Variants in PPM1L observed in about 807,000 individuals in gnomAD.
PPM1L encodes the protein protein phosphatase, Mg2+/Mn2+ dependent 1L.
A neutral mutation model predicts 31.4 loss-of-function variants in PPM1L; 13 were observed. That is an observed-to-expected ratio of 0.41 (90% CI 0.27 to 0.66). The LOEUF (loss-of-function observed/expected upper bound fraction) is 0.66. Ranked by LOEUF, PPM1L falls within the 30% of genes least tolerant of loss-of-function variation. The pLI is 0.29. For missense variants in PPM1L, 326 were observed against 453.7 expected, an observed-to-expected ratio of 0.72 and a Z score of 2.56; for synonymous variants, 184 against 175.4, an observed-to-expected ratio of 1.05 and a Z score of -0.39.
At chr3:160,880,988 C>T (rs1404958835) in intron 1 of PPM1L, among the ~76,000 whole-genome samples, 12 of 152,132 alleles carry the variant, frequency 7.9e-5, no homozygotes, top group Admixed American at 7.2e-4. Flanking sequence ...TTTCATAGGA[C>T]AGTAGATCTT....
intron 1 of PPM1L, among the ~76,000 whole-genome samples, chr3:160,923,569 C>T (rs886424237): frequency 6.6e-6 from 1 of 152,184 alleles, no homozygotes; most frequent in Non-Finnish European, 1.5e-5. Context: ...CTTTATTCTT[C>T]TCTCACTATT....
intron 2 of PPM1L, among the ~76,000 whole-genome samples, chr3:160,968,107 A>T (rs917065588): frequency 2.0e-5 from 3 of 151,520 alleles, no homozygotes; most frequent in Non-Finnish European, 3.0e-5. Context: ...ATTCCCAGGC[A>T]TATTTTTATT....
chr3:161,009,689 A>C (rs1371028091), intron 2 of PPM1L, among the ~76,000 whole-genome samples: 1 of 152,196 alleles, frequency 6.6e-6, no homozygotes, highest in Non-Finnish European at 1.5e-5. Context: ...TAAGATAGTA[A>C]GACTATATAT....
chr3:160,779,926 T>C (rs78126845), intron 1 of PPM1L, among the ~76,000 whole-genome samples: 2 of 152,300 alleles, frequency 1.3e-5, no homozygotes, highest in East Asian at 3.9e-4. Context: ...ATTTTTTTTT[T>C]AGTATGTACC....
intron 2 of PPM1L, among the ~76,000 whole-genome samples, chr3:161,037,253 G>A (rs1264548910): frequency 6.6e-6 from 1 of 152,082 alleles, no homozygotes; most frequent in Non-Finnish European, 1.5e-5. Flanking sequence ...TTGCTCCTTT[G>A]CTCTTTGTCT....
At position 161,076,052 on chromosome 3, in the gene PPM1L, G is replaced by A. The variant is rs1380332111; in HGVS notation, c.*6895G>A. The A allele has an allele frequency of 6.6e-6, 1 of 152,136 alleles. No homozygotes were observed. Among genetic ancestry groups the A allele is most frequent in the East Asian group, 1.9e-4 (1 of 5,198 alleles). 9.4% of individuals were successfully genotyped at this position (152,136 alleles called of 1,614,324 possible). A position where few individuals can be genotyped will look rare whatever the true frequency, so the allele number is the denominator to read the frequency against. On this transcript the variant is annotated 3_prime_UTR_variant, in exon 4 of 4. Transcript: ENST00000498165. ...GAATACTAGTGAGTACTCAATTTAC[G>A]ACAGACAATTTCACAAAAACCAACC...
chr3:160,779,365 T>C (rs1349405276), intron 1 of PPM1L, among the ~76,000 whole-genome samples: 1 of 152,178 alleles, frequency 6.6e-6, no homozygotes, highest in East Asian at 1.9e-4. Context: ...ACTAGCTGTC[T>C]GAATTTGAGC....
intron 2 of PPM1L, among the ~76,000 whole-genome samples, chr3:161,044,876 C>A (rs1005138552): frequency 2.0e-5 from 3 of 152,120 alleles, no homozygotes; most frequent in Non-Finnish European, 2.9e-5. Context: ...TCAGCAGACC[C>A]ATCTCACGTG....
intron 1 of PPM1L, among the ~76,000 whole-genome samples, chr3:160,767,467 T>C (rs1413238790): frequency 6.6e-6 from 1 of 152,076 alleles, no homozygotes; most frequent in Non-Finnish European, 1.5e-5. Flanking sequence ...ACTCCTGAGC[T>C]CAGATGATCC....
At chr3:161,068,631 T>A (rs1719814615) in intron 3 of PPM1L, among the ~76,000 whole-genome samples, 180 bp from the exon 4 acceptor site, 1 of 152,134 alleles carries the variant, frequency 6.6e-6, no homozygotes, top group Non-Finnish European at 1.5e-5. Flanking sequence ...GGTATGAGGA[T>A]CAACTGGTAG....
At chr3:160,997,039 C>G (rs766867192) in intron 2 of PPM1L, among the ~76,000 whole-genome samples, 27 of 152,108 alleles carry the variant, frequency 1.8e-4, no homozygotes, top group Non-Finnish European at 4.0e-4. Context: ...GCTAATGGAT[C>G]AGATATCCTG....
intron 2 of PPM1L, among the ~76,000 whole-genome samples, chr3:160,962,653 T>G (rs1264710062): frequency 6.6e-6 from 1 of 152,098 alleles, no homozygotes; most frequent in Non-Finnish European, 1.5e-5. Flanking sequence ...ATGTTAATGG[T>G]ATTAATTCTT....
At chr3:160,943,032 T>C (rs990641401) in intron 1 of PPM1L, among the ~76,000 whole-genome samples, 8 of 151,768 alleles carry the variant, frequency 5.3e-5, no homozygotes, top group Non-Finnish European at 8.8e-5. Flanking sequence ...TAAAAAACAA[T>C]CACAAAACTC....
chr3:160,841,143 G>A (rs1010582938), intron 1 of PPM1L, among the ~76,000 whole-genome samples: 1 of 151,820 alleles, frequency 6.6e-6, no homozygotes, highest in African/African-American at 2.4e-5. Flanking sequence ...CATATTGTGA[G>A]TCATCTTGGA....
intron 1 of PPM1L, among the ~76,000 whole-genome samples, chr3:160,830,433 A>G (rs1713491609): frequency 6.6e-6 from 1 of 152,176 alleles, no homozygotes. Context: ...TGTTTGAGGT[A>G]GGTTAAAGCC....
chr3:160,830,397 C>G (rs1713489246), intron 1 of PPM1L, among the ~76,000 whole-genome samples: 1 of 152,144 alleles, frequency 6.6e-6, no homozygotes, highest in South Asian at 2.1e-4. Context: ...GCAGTGACAA[C>G]TAGCATGCAT....
At chr3:160,968,128 G>A (rs140277460) in intron 2 of PPM1L, among the ~76,000 whole-genome samples, 43 of 150,684 alleles carry the variant, frequency 2.9e-4, no homozygotes, top group African/African-American at 1.0e-3. Flanking sequence ...GGTGGGATGG[G>A]GAGTGAGACT....
At chr3:160,975,497 A>C (rs1268023268) in intron 2 of PPM1L, among the ~76,000 whole-genome samples, 1 of 152,120 alleles carries the variant, frequency 6.6e-6, no homozygotes, top group East Asian at 1.9e-4. Context: ...GAGTCTTCTG[A>C]CCCATGAGCA....
At chr3:160,820,192 G>A (rs1270645478) in intron 1 of PPM1L, among the ~76,000 whole-genome samples, 2 of 152,018 alleles carry the variant, frequency 1.3e-5, no homozygotes, top group Non-Finnish European at 2.9e-5. Context: ...ATGAGAGAAT[G>A]CAGTATTGCA....
Sources: gnomAD v4.1 joint callset for allele counts (sites outside exome capture counted in the v4.1 genomes callset) on GRCh38, gnomAD v4.1.1 for gene constraint, MANE v1.5 for transcripts, NCBI Gene and HGNC (gene_info 2026-07-23, HGNC 2026-07-21) for gene names.